The following RPL36AL variants were observed in gnomAD, a reference collection of about 807,000 sequenced individuals.
RPL36AL encodes the protein ribosomal protein L36a like.
Under a neutral mutation model 7.9 loss-of-function variants are expected in RPL36AL, and 8 were observed. The observed-to-expected ratio is 1.02, with a 90% confidence interval of 0.60 to 1.84. RPL36AL has a LOEUF of 1.84. Among genes scored for constraint, RPL36AL ranks in the 40% most tolerant of loss-of-function variants. RPL36AL has a pLI of 0.00. For synonymous variants in RPL36AL, 44 were observed against 44.8 expected, an observed-to-expected ratio of 0.98 and a Z score of 0.07; for missense variants, 76 against 126.8, an observed-to-expected ratio of 0.60 and a Z score of 1.93.
rs1270931831 is a variant in RPL36AL at position 49,619,043 on chromosome 14, T to C, written c.62A>G (p.His21Arg). ...GCCCTTCTTATACTGTGTCACTTTG[T>C]GAGGCTGATGCTTGCCACACTTCTT... ...FCKKCGKHQPHKVTQYKKGKD... is the reference protein window; with the variant it reads ...FCKKCGKHQPRKVTQYKKGKD... The change falls in exon 2 of 2, where the codon CAC becomes CGC. Residue 21 changes from histidine (H) to arginine (R), a missense_variant. His to Arg is a conservative substitution (Grantham distance 29, BLOSUM62 0). Coordinates refer to ENST00000298289, the MANE Select transcript of RPL36AL (RefSeq NM_001001.5). The C allele has an allele frequency of 6.2e-6, 10 of 1,613,984 alleles. No homozygotes were observed. The East Asian group carries it at 2.2e-4, about 36-fold the overall frequency.
At position 49,618,888 on chromosome 14, in the gene RPL36AL, C is replaced by T. The variant is rs373465691; in HGVS notation, c.217G>A (p.Val73Ile). 1 of 1,612,778 alleles carries T rather than the reference C, an allele frequency of 6.2e-7. No homozygotes were observed. The highest frequency in any genetic ancestry group is 2.2e-5 in the East Asian group (1 of 44,888). Residue 73 changes from valine to isoleucine, a missense_variant, in exon 2 of 2, where the codon GTT becomes ATT. Physicochemically the swap from Val to Ile is conservative, Grantham distance 29. Coordinates refer to ENST00000298289, the MANE Select transcript of RPL36AL (RefSeq NM_001001.5). Reference protein sequence around the residue: ...TKKIVLRLECVEPNCRSKRML... With the variant: ...TKKIVLRLECIEPNCRSKRML... ...CTCTTGGATCTGCAGTTAGGCTCAA[C>T]ACATTCCAGCCTTAGCACAATCTTC...
At chr14:49,619,287 C>T (rs1204818657) in intron 1 of RPL36AL, 147 bp from the exon 2 acceptor site, 2 of 578,296 alleles carry the variant, frequency 3.5e-6, no homozygotes, top group Non-Finnish European at 6.0e-6. Flanking sequence ...AATAAACGCA[C>T]ATACAAGTAC....
chr14:49,619,527 G>A (rs907503213), intron 1 of RPL36AL, among the ~76,000 whole-genome samples: 1 of 143,596 alleles, frequency 7.0e-6, no homozygotes, highest in African/African-American at 2.5e-5. Context: ...GTGCATACCT[G>A]TAAGGAGAAT....
In RPL36AL at chr14:49,619,221, AACCGTAC is replaced by A; in HGVS notation, c.-36-88_-36-82del. The A allele has an allele frequency of 4.8e-6, 4 of 829,754 alleles. No individual in the cohort carries two copies. In the South Asian group the frequency reaches 7.1e-5, roughly 15 times the overall value. The allele number at this position is 829,754 out of a possible 1,614,324, so 51.4% of individuals were successfully genotyped here. ...AGTGCTATACAAGTATATACAGGAAAACCGTACACATAAATGAGTAATATATAAATCC... is the reference window on the plus strand; with the variant it reads ...AGTGCTATACAAGTATATACAGGAAAACATAAATGAGTAATATATAAATCC... On this transcript the variant is annotated intron_variant, in intron 1 of 1. Coordinates refer to ENST00000298289, the MANE Select transcript of RPL36AL (RefSeq NM_001001.5).
In RPL36AL at chr14:49,619,010, G is replaced by T. The variant is rs1343965479; in HGVS notation, c.95C>A (p.Ser32Tyr). ...KVTQYKKGKD[S>Y]LYAQGRRRYD... The stretch of plus-strand genomic sequence containing the variant: ...GCGCCTCCTTCCCTGGGCATACAAA[G>T]AATCCTTGCCCTTCTTATACTGTGT... The change falls in exon 2 of 2, where the codon TCT becomes TAT. Residue 32 changes from serine (S) to tyrosine (Y), a missense_variant. Coordinates refer to ENST00000298289, the MANE Select transcript of RPL36AL (RefSeq NM_001001.5). 9.9e-6 allele frequency: 16 copies of T among 1,613,806 alleles called. No homozygotes were observed. In the Admixed American group the frequency reaches 2.2e-4, roughly 22 times the overall value.
In RPL36AL at chr14:49,618,655, G is replaced by A. The variant is rs1882736657; in HGVS notation, c.*129C>T. ...TTTGAGGTGGGACTACACTAAACAT[G>A]GAATTCTATTTATAAGTAAAAACCA... On this transcript the variant is annotated 3_prime_UTR_variant, in exon 2 of 2. Coordinates refer to ENST00000298289, the MANE Select transcript of RPL36AL (RefSeq NM_001001.5). 1 of 700,054 alleles carries A rather than the reference G, an allele frequency of 1.4e-6. No homozygotes were observed. The highest frequency in any genetic ancestry group is 2.4e-6 in the Non-Finnish European group (1 of 420,380). The allele number at this position is 700,054 out of a possible 1,614,324, so 43.4% of individuals were successfully genotyped here. A position where few individuals can be genotyped will look rare whatever the true frequency, so the allele number is the denominator to read the frequency against.
chr14:49,618,576 AAAAGTAGT>A lies in RPL36AL; in HGVS notation c.*200_*207del, dbSNP rs1433017489. 3 of 553,680 alleles carry A rather than the reference AAAAGTAGT, an allele frequency of 5.4e-6. No homozygotes were observed. The East Asian group carries it at 9.1e-5, about 17-fold the overall frequency. 34.3% of individuals were successfully genotyped at this position (553,680 alleles called of 1,614,324 possible). ...AACATTTGAAATTGACCAGAAAACA[AAAAGTAGT>A]AAAGTAGTATTTTCCCTTCATACAT... On this transcript the variant is annotated 3_prime_UTR_variant, in exon 2 of 2. Transcript: ENST00000298289.
chr14:49,619,171 G>A, intron 1 of RPL36AL, 31 bp from the exon 2 acceptor site: 4 of 1,428,722 alleles, frequency 2.8e-6, no homozygotes, highest in Non-Finnish European at 3.8e-6. Context: ...TAAGATAGCA[G>A]ACGTTAAACA....
chr14:49,619,407 G>A (rs1882765563), intron 1 of RPL36AL, among the ~76,000 whole-genome samples: 3 of 152,144 alleles, frequency 2.0e-5, no homozygotes, highest in Non-Finnish European at 4.4e-5. Context: ...CAGCACTTTG[G>A]GAGGCCGAGA....
chr14:49,619,205 C>G (rs1882757303), intron 1 of RPL36AL, 65 bp from the exon 2 acceptor site: 2 of 1,009,350 alleles, frequency 2.0e-6, no homozygotes, highest in Middle Eastern at 2.1e-4. Context: ...AAGTGCTATA[C>G]AAGTATATAC....
chr14:49,620,188 C>T (rs758266996), intron 1 of RPL36AL, among the ~76,000 whole-genome samples: 10 of 152,022 alleles, frequency 6.6e-5, no homozygotes, highest in Non-Finnish European at 1.2e-4. Flanking sequence ...TGACCCCCTT[C>T]CCCCCACCCA....
At chr14:49,620,209 T>A (rs1312787879) in intron 1 of RPL36AL, among the ~76,000 whole-genome samples, 1 of 152,074 alleles carries the variant, frequency 6.6e-6, no homozygotes, top group Non-Finnish European at 1.5e-5. Flanking sequence ...CCTCCTCCAT[T>A]TTCCAGCTCT....
rs1245447005 is a variant in RPL36AL at position 49,618,726 on chromosome 14, T to G, written c.*58A>C. 1 of 1,408,928 alleles carries G rather than the reference T, an allele frequency of 7.1e-7. No individual in the cohort carries two copies. The highest frequency in any genetic ancestry group is 2.3e-5 in the East Asian group (1 of 43,874). The allele number at this position is 1,408,928 out of a possible 1,614,324, so 87.3% of individuals were successfully genotyped here. ...ATCACTGTATTTATTTTCCCTCGGG[T>G]AACTTTTCTATGGCTTCACCATTTT... On this transcript the variant is annotated 3_prime_UTR_variant, in exon 2 of 2. Transcript: ENST00000298289.
Position 49,619,123 on chromosome 14 carries a change from T to C in RPL36AL, c.-19A>G. ...TGACCATCTTTGCAGCAGGGCTGTT[T>C]TGTCTATATGATGAAAACTGTAGTA... On this transcript the variant is annotated 5_prime_UTR_variant, in exon 2 of 2. Coordinates refer to ENST00000298289, the MANE Select transcript of RPL36AL (RefSeq NM_001001.5). The C allele has an allele frequency of 1.9e-6, 3 of 1,587,606 alleles. No individual in the cohort carries two copies. The highest frequency in any genetic ancestry group is 1.1e-5 in the South Asian group (1 of 87,514).
Position 49,618,665 on chromosome 14 carries a change from T to G in RPL36AL, c.*119A>C. 2.6e-6 allele frequency: 2 copies of G among 764,394 alleles called. No homozygotes were observed. The highest frequency in any genetic ancestry group is 4.2e-6 in the Non-Finnish European group (2 of 473,534). The allele number at this position is 764,394 out of a possible 1,614,324, so 47.4% of individuals were successfully genotyped here. A position where few individuals can be genotyped will look rare whatever the true frequency, so the allele number is the denominator to read the frequency against. On this transcript the variant is annotated 3_prime_UTR_variant, in exon 2 of 2. Transcript: ENST00000298289. ...GACTACACTAAACATGGAATTCTAT[T>G]TATAAGTAAAAACCACAAAAAGTTT...
chr14:49,620,029 C>T (rs986360272), intron 1 of RPL36AL, among the ~76,000 whole-genome samples: 5 of 152,168 alleles, frequency 3.3e-5, no homozygotes, highest in Admixed American at 3.3e-4. Context: ...TAGAACAAGA[C>T]TCACGAAAAC....
rs1339834801 is a variant in RPL36AL, at chr14:49,619,027, A to ATAC, written c.75_77dup (p.Gln25_Tyr26insTer). On this transcript the variant is annotated stop_gained, in exon 2 of 2. Coordinates refer to ENST00000298289, the MANE Select transcript of RPL36AL (RefSeq NM_001001.5). LOFTEE classifies it high-confidence loss of function. ...CATACAAAGAATCCTTGCCCTTCTT[A>ATAC]TACTGTGTCACTTTGTGAGGCTGAT... is the stretch of plus-strand genomic sequence containing the variant. The ATAC allele has an allele frequency of 6.2e-7, 1 of 1,613,860 alleles. No individual in the cohort carries two copies. Among genetic ancestry groups the ATAC allele is most frequent in the Non-Finnish European group, 8.5e-7 (1 of 1,179,886 alleles).
At chr14:49,620,496 T>A (rs1882802431) in intron 1 of RPL36AL, 66 bp downstream of exon 1, 1 of 155,966 alleles carries the variant, frequency 6.4e-6, no homozygotes, top group African/African-American at 2.4e-5. Flanking sequence ...GAAGGCCTAG[T>A]CCTACCCAGG....
chr14:49,620,158 G>T (rs1202352838), intron 1 of RPL36AL, among the ~76,000 whole-genome samples: 1 of 152,210 alleles, frequency 6.6e-6, no homozygotes, highest in Non-Finnish European at 1.5e-5. Context: ...CGAAAAGGAA[G>T]TTAAGGACCA....
Sources: gnomAD v4.1 joint callset for allele counts (sites outside exome capture counted in the v4.1 genomes callset) on GRCh38, gnomAD v4.1.1 for gene constraint, MANE v1.5 for transcripts, NCBI Gene and HGNC (gene_info 2026-07-23, HGNC 2026-07-21) for gene names.